The following FRY variants were observed in gnomAD, a reference collection of about 807,000 sequenced individuals.
FRY encodes the protein FRY microtubule binding protein.
In FRY, 128 loss-of-function variants were observed where a neutral mutation model predicts 348.4. That is an observed-to-expected ratio of 0.37 (90% CI 0.32 to 0.43). The LOEUF (loss-of-function observed/expected upper bound fraction) is 0.43. Among genes scored for constraint, FRY ranks in the 20% least tolerant of loss-of-function variants. The pLI, the probability that FRY is intolerant of heterozygous loss-of-function variation, is 1.00. For missense variants in FRY, 2,736 were observed against 3,695.2 expected (o/e 0.74, Z 6.73); for synonymous variants, 1,370 against 1,374.7 (o/e 1.00, Z 0.08).
chr13:32,244,547 C>T (rs1032103328), intron 47 of FRY, among the ~76,000 whole-genome samples: 1 of 152,112 alleles, frequency 6.6e-6, no homozygotes, highest in Non-Finnish European at 1.5e-5. Flanking sequence ...TCACATGTGC[C>T]GGGTTCTAGG....
intron 55 of FRY, among the ~76,000 whole-genome samples, chr13:32,270,322 C>G (rs555985461): frequency 2.2e-4 from 33 of 151,964 alleles, no homozygotes; most frequent in African/African-American, 7.7e-4. Context: ...ATTCTCCTGC[C>G]GCAGCCTCCC....
At chr13:32,180,102 T>G (rs1211453818) in intron 23 of FRY, among the ~76,000 whole-genome samples, 3 of 152,282 alleles carry the variant, frequency 2.0e-5, no homozygotes, top group African/African-American at 4.8e-5. Flanking sequence ...TTGGCCAGAC[T>G]GTTCAGAGGT....
At position 32,184,991 on chromosome 13, in the gene FRY, A is replaced by G. The variant is rs779097910; in HGVS notation, c.3162A>G (p.Leu1054=). 12 of 1,613,934 alleles carry G rather than the reference A, an allele frequency of 7.4e-6. No individual in the cohort carries two copies. Among genetic ancestry groups the G allele is most frequent in the East Asian group, 2.2e-5 (1 of 44,878 alleles). The change falls in exon 26 of 61, where the codon CTA becomes CTG. Residue 1054 remains leucine (L), a synonymous_variant. Coordinates refer to ENST00000542859, the MANE Select transcript of FRY (RefSeq NM_023037.3). ...GVISDSTNGA[L]ERDTLALGAL... ...TTTATTCCAGCACAAATGGAGCCCTAGAGCGGGATACTTTAGCCCTGGGAG... is the reference window on the plus strand; with the variant it reads ...TTTATTCCAGCACAAATGGAGCCCTGGAGCGGGATACTTTAGCCCTGGGAG...
At chr13:32,159,499 A>C (rs1481416905) in intron 16 of FRY, among the ~76,000 whole-genome samples, 1 of 152,242 alleles carries the variant, frequency 6.6e-6, no homozygotes, top group Non-Finnish European at 1.5e-5. Context: ...TAACAAGTAA[A>C]GAATAATAAA....
In FRY at chr13:32,234,568, C is replaced by A; in HGVS notation, c.5528-6C>A. ...CTGACCTATTCTGTGGCTCTTGTTACCCTAGGCTTCCATCTGGAGCACCAG... is the reference window on the plus strand; with the variant it reads ...CTGACCTATTCTGTGGCTCTTGTTAACCTAGGCTTCCATCTGGAGCACCAG... On this transcript the variant is annotated splice_polypyrimidine_tract_variant and splice_region_variant and intron_variant, in intron 41 of 60. Coordinates refer to ENST00000542859, the MANE Select transcript of FRY (RefSeq NM_023037.3). 3 of 1,613,414 alleles carry A rather than the reference C, an allele frequency of 1.9e-6. No individual in the cohort carries two copies. Among genetic ancestry groups the A allele is most frequent in the Non-Finnish European group, 2.5e-6 (3 of 1,179,750 alleles).
chr13:32,070,517 T>G (rs1473400507), intron 1 of FRY, among the ~76,000 whole-genome samples: 1 of 152,094 alleles, frequency 6.6e-6, no homozygotes, highest in Non-Finnish European at 1.5e-5. Flanking sequence ...TGTCTTCTTT[T>G]GAGACGTGTC....
rs1320632072 is a variant in FRY, at chr13:32,130,278, T to C, written c.717-1394T>C. On this transcript the variant is annotated intron_variant, in intron 7 of 60. Transcript: ENST00000542859. The stretch of plus-strand genomic sequence containing the variant: ...CTGGTCTCGAACTCCTGACCTCAGG[T>C]AATCCACCCACTTCGGCCTCCCAAA... 3.3e-5 allele frequency among the ~76,000 whole-genome samples: 5 copies of C among 152,028 alleles called. No individual in the cohort carries two copies. The East Asian group carries it at 9.6e-4, about 29-fold the overall frequency.
At chr13:32,101,182 T>C (rs904112328) in intron 2 of FRY, among the ~76,000 whole-genome samples, 11 of 152,190 alleles carry the variant, frequency 7.2e-5, no homozygotes, top group Non-Finnish European at 1.5e-4. Flanking sequence ...ATTTGACTTT[T>C]GTTGATTTCA....
At chr13:32,135,256 TG>T in intron 10 of FRY, 73 bp downstream of exon 10, 1 of 946,814 alleles carries the variant, frequency 1.1e-6, no homozygotes, top group Non-Finnish European at 1.7e-6. Flanking sequence ...GGAATCTGTT[TG>T]AGGATCCTAA....
At chr13:32,277,125 G>C (rs1381033209) in intron 57 of FRY, among the ~76,000 whole-genome samples, 1 of 152,242 alleles carries the variant, frequency 6.6e-6, no homozygotes, top group Non-Finnish European at 1.5e-5. Flanking sequence ...AGAGAAGTCA[G>C]TGGTTCAATA....
chr13:32,113,247 T>C (rs1471906863), intron 3 of FRY, among the ~76,000 whole-genome samples: 1 of 152,192 alleles, frequency 6.6e-6, no homozygotes, highest in African/African-American at 2.4e-5. Context: ...AATTAAACCA[T>C]CAGTGCAGTT....
intron 1 of FRY, among the ~76,000 whole-genome samples, chr13:32,076,848 A>G (rs1875099133): frequency 6.6e-6 from 1 of 152,156 alleles, no homozygotes; most frequent in Non-Finnish European, 1.5e-5. Context: ...CCGACCCTAG[A>G]CAAAAACCTT....
chr13:32,249,365 T>C (rs1028763704), intron 48 of FRY, among the ~76,000 whole-genome samples, 161 bp from the exon 49 acceptor site: 10 of 152,228 alleles, frequency 6.6e-5, no homozygotes, highest in African/African-American at 2.4e-4. Flanking sequence ...CGACTCATAA[T>C]GTGTACTTGC....
At chr13:32,292,676 C>T (rs1158374534) in intron 59 of FRY, among the ~76,000 whole-genome samples, 1 of 151,982 alleles carries the variant, frequency 6.6e-6, no homozygotes, top group African/African-American at 2.4e-5. Flanking sequence ...CCCGTAATCC[C>T]AGCTACTTGA....
intron 11 of FRY, among the ~76,000 whole-genome samples, chr13:32,137,559 C>A (rs938886980): frequency 4.7e-4 from 71 of 152,340 alleles, no homozygotes; most frequent in African/African-American, 1.7e-3. Flanking sequence ...CTGTTTCCAG[C>A]AATACACCTG....
chr13:32,270,517 A>AT (rs1438609798), intron 55 of FRY, among the ~76,000 whole-genome samples: 2 of 152,220 alleles, frequency 1.3e-5, no homozygotes, highest in Admixed American at 6.5e-5. Context: ...TCTAAAAGCT[A>AT]TTTTTAAAGA....
intron 14 of FRY, among the ~76,000 whole-genome samples, chr13:32,150,601 A>G (rs992671929): frequency 2.0e-5 from 3 of 152,212 alleles, no homozygotes; most frequent in African/African-American, 7.2e-5. Context: ...CTCAACTCGC[A>G]GAAGAATTGT....
chr13:32,222,936 G>A (rs1384314685), intron 36 of FRY, among the ~76,000 whole-genome samples: 1 of 152,106 alleles, frequency 6.6e-6, no homozygotes, highest in Non-Finnish European at 1.5e-5. Flanking sequence ...CTCTTGTCCT[G>A]AGCAAACTGG....
chr13:32,107,831 G>T (rs556767604), intron 3 of FRY, among the ~76,000 whole-genome samples: 1 of 152,220 alleles, frequency 6.6e-6, no homozygotes, highest in African/African-American at 2.4e-5. Context: ...ATCCCTTCTG[G>T]TCCATGCTAG....
Sources: gnomAD v4.1 joint callset for allele counts (sites outside exome capture counted in the v4.1 genomes callset) on GRCh38, gnomAD v4.1.1 for gene constraint, MANE v1.5 for transcripts, NCBI Gene and HGNC (gene_info 2026-07-23, HGNC 2026-07-21) for gene names.